Variants in NR1I3 observed in about 807,000 individuals in gnomAD.
NR1I3 encodes the protein nuclear receptor subfamily 1 group I member 3, also known as constitutive activator of retinoid response.
In NR1I3, 30 loss-of-function variants were observed where a neutral mutation model predicts 38.4. That is an observed-to-expected ratio of 0.78 (90% confidence interval 0.58 to 1.06). The LOEUF (loss-of-function observed/expected upper bound fraction) is 1.06. Among genes scored for constraint, NR1I3 ranks in the 50% least tolerant of loss-of-function variants. The pLI is 0.00. For missense variants in NR1I3, 388 were observed against 435.7 expected (o/e 0.89, Z 0.97); for synonymous variants, 143 against 165.1 (o/e 0.87, Z 1.03).
chr1:161,231,912 T>C (rs944732266), intron 5 of NR1I3, among the ~76,000 whole-genome samples: 1 of 152,220 alleles, frequency 6.6e-6, no homozygotes, highest in Non-Finnish European at 1.5e-5. Context: ...TCCTCCTGCC[T>C]TGGCCTTCCA....
rs1667640321 is a variant in NR1I3, at chr1:161,232,745, CG to C, written c.548+61del. ...TGATAATTTGTAGTCAGTGACTTTT[CG>C]GGGTGGATATACAATTTACTGAAGT... On this transcript the variant is annotated intron_variant, in intron 5 of 8. Coordinates refer to ENST00000367983, the MANE Select transcript of NR1I3 (RefSeq NM_005122.5). The C allele has an allele frequency of 2.0e-6, 3 of 1,530,094 alleles. No homozygotes were observed. In the South Asian group the frequency reaches 3.4e-5, roughly 17 times the overall value. The allele number at this position is 1,530,094 out of a possible 1,614,324, so 94.8% of individuals were successfully genotyped here. A position where few individuals can be genotyped will look rare whatever the true frequency, so the allele number is the denominator to read the frequency against.
intron 4 of NR1I3, 83 bp downstream of exon 4, chr1:161,233,086 A>G: frequency 6.3e-7 from 1 of 1,582,100 alleles, no homozygotes; most frequent in Non-Finnish European, 8.6e-7. Flanking sequence ...GTATCAGTGC[A>G]TGGCATACAC....
chr1:161,231,866 T>TGC (rs570948265), intron 5 of NR1I3, among the ~76,000 whole-genome samples: 2 of 152,326 alleles, frequency 1.3e-5, no homozygotes, highest in South Asian at 4.2e-4. Context: ...CTTACTATGT[T>TGC]GCCCAGGGTG....
intron 7 of NR1I3, 77 bp from the exon 8 acceptor site, chr1:161,230,995 G>A: frequency 6.2e-7 from 1 of 1,612,764 alleles, no homozygotes; most frequent in Non-Finnish European, 8.5e-7. Context: ...ACTGAGGCTG[G>A]GATAGACCTA....
At chr1:161,234,712 AG>A (rs1668216879) in intron 3 of NR1I3, among the ~76,000 whole-genome samples, 1 of 152,156 alleles carries the variant, frequency 6.6e-6, no homozygotes, top group Non-Finnish European at 1.5e-5. Context: ...GGCCTGCACA[AG>A]TTTTTAGTTG....
intron 4 of NR1I3, 68 bp downstream of exon 4, chr1:161,233,101 C>T: frequency 6.3e-7 from 1 of 1,591,510 alleles, no homozygotes; most frequent in Non-Finnish European, 8.6e-7. Flanking sequence ...ATACACCCCT[C>T]TCCTTCAGAC....
In NR1I3 at chr1:161,230,931, G is replaced by A; in HGVS notation, c.812-13C>T. The A allele has an allele frequency of 1.2e-6, 2 of 1,614,010 alleles. No individual in the cohort carries two copies. Among genetic ancestry groups the A allele is most frequent in the Non-Finnish European group, 1.7e-6 (2 of 1,179,940 alleles). On this transcript the variant is annotated splice_polypyrimidine_tract_variant and intron_variant, in intron 7 of 8. Transcript: ENST00000367983. ...ACTCCAGGTCGGTCTGTAAGATAGG[G>A]AGCTGGGAAGGACAAGTTGGGTGGC...
intron 2 of NR1I3, 56 bp from the exon 3 acceptor site, chr1:161,236,033 T>G: frequency 3.9e-6 from 6 of 1,528,184 alleles, no homozygotes; most frequent in Non-Finnish European, 5.3e-6. Context: ...GGTGAGGGGC[T>G]GAGATGACAT....
intron 1 of NR1I3, 140 bp from the exon 2 acceptor site, chr1:161,236,738 T>TTTTTCC (rs1668668289): frequency 1.2e-6 from 1 of 800,708 alleles, no homozygotes; most frequent in African/African-American, 1.8e-5. Context: ...TTTCTTTTTC[T>TTTTTCC]TTTTCTTTTT....
In NR1I3 at chr1:161,231,312, C is replaced by A; in HGVS notation, c.694+17G>T. 2 of 1,596,590 alleles carry A rather than the reference C, an allele frequency of 1.3e-6. No individual in the cohort carries two copies. On this transcript the variant is annotated intron_variant, in intron 6 of 8. Transcript: ENST00000367983. ...CCATGAGGACACATGCCCCCTATTG[C>A]TCTAGCACCATCTCACCACGGGCTC...
At chr1:161,234,749 G>A (rs1460822252) in intron 3 of NR1I3, among the ~76,000 whole-genome samples, 3 of 152,168 alleles carry the variant, frequency 2.0e-5, no homozygotes, top group Non-Finnish European at 4.4e-5. Flanking sequence ...ATTAACTTCC[G>A]TGAGCCCCAG....
Position 161,229,824 on chromosome 1 carries a change from C to G in NR1I3, c.1020G>C (p.Met340Ile). Residue 340 changes from methionine (M) to isoleucine (I), a missense_variant, in exon 9 of 9, where the codon ATG becomes ATC. Transcript: ENST00000367983. ...IQHIQGLSAMMPLLQEICS is the reference protein window; with the variant it reads ...IQHIQGLSAMIPLLQEICS ...AGCTGCAGATCTCCTGGAGCAGCGG[C>G]ATCATGGCAGACAGGCCCTGGATGT... is the stretch of plus-strand genomic sequence containing the variant. The G allele has an allele frequency of 6.2e-7, 1 of 1,614,242 alleles. No individual in the cohort carries two copies. The highest frequency in any genetic ancestry group is 1.3e-5 in the African/African-American group (1 of 75,064).
intron 5 of NR1I3, among the ~76,000 whole-genome samples, chr1:161,231,681 T>C (rs934374552): frequency 7.2e-5 from 11 of 152,074 alleles, no homozygotes; most frequent in Non-Finnish European, 1.2e-4. Context: ...TTTGTATTTT[T>C]AGTAGAGACG....
Position 161,229,808 on chromosome 1 carries a change from T to G in NR1I3, c.1036A>C (p.Ile346Leu). The change falls in exon 9 of 9, where the codon ATC (isoleucine) becomes CTC (leucine). Residue 346 changes from isoleucine (I) to leucine (L), a missense_variant. Coordinates refer to ENST00000367983, the MANE Select transcript of NR1I3 (RefSeq NM_005122.5). ...LSAMMPLLQE[I>L]CS ...AAGTGAGCATGGCCTCAGCTGCAGATCTCCTGGAGCAGCGGCATCATGGCA... is the reference window on the plus strand; with the variant it reads ...AAGTGAGCATGGCCTCAGCTGCAGAGCTCCTGGAGCAGCGGCATCATGGCA... 1.9e-6 allele frequency: 3 copies of G among 1,614,152 alleles called. No homozygotes were observed. The highest frequency in any genetic ancestry group is 2.5e-6 in the Non-Finnish European group (3 of 1,180,034).
chr1:161,233,522 A>C (rs1387896067), intron 3 of NR1I3, among the ~76,000 whole-genome samples, 184 bp from the exon 4 acceptor site: 1 of 152,082 alleles, frequency 6.6e-6, no homozygotes, highest in African/African-American at 2.4e-5. Flanking sequence ...GGGGGCTCCT[A>C]TACACTTCCA....
intron 3 of NR1I3, chr1:161,235,366 G>GCCATTCT (rs1668406474): frequency 7.3e-6 from 1 of 137,550 alleles, no homozygotes. Context: ...CCGGGTTCAC[G>GCCATTCT]CCATTCTCCT....
chr1:161,237,616 G>T (rs2102209781), intron 1 of NR1I3, among the ~76,000 whole-genome samples: 1 of 152,028 alleles, frequency 6.6e-6, no homozygotes, highest in South Asian at 2.1e-4. Flanking sequence ...TATTTGGGAG[G>T]CTGAGGCAGG....
At chr1:161,230,726 G>A (rs779924406) in intron 8 of NR1I3, 87 bp downstream of exon 8, 11 of 1,577,358 alleles carry the variant, frequency 7.0e-6, no homozygotes, top group Non-Finnish European at 9.5e-6. Flanking sequence ...GGAAAGGACA[G>A]TAAAAAAACA....
At chr1:161,236,099 G>T (rs1388972992) in intron 2 of NR1I3, 122 bp from the exon 3 acceptor site, 5 of 1,127,010 alleles carry the variant, frequency 4.4e-6, no homozygotes, top group Non-Finnish European at 6.3e-6. Flanking sequence ...GTGCCCAAAG[G>T]TCCCCAGGGG....
Sources: gnomAD v4.1 joint callset for allele counts (sites outside exome capture counted in the v4.1 genomes callset) on GRCh38, gnomAD v4.1.1 for gene constraint, MANE v1.5 for transcripts, NCBI Gene and HGNC (gene_info 2026-07-23, HGNC 2026-07-21) for gene names.